The following STAU1 variants were observed in gnomAD, a reference collection of about 807,000 sequenced individuals.
STAU1 encodes the protein double-stranded RNA-binding protein Staufen homolog 1.
In STAU1, 13 loss-of-function variants were observed where a neutral mutation model predicts 62.9. That is an observed-to-expected ratio of 0.21 (90% CI 0.13 to 0.33). STAU1 has a LOEUF of 0.33. Ranked by LOEUF, STAU1 falls within the 10% of genes least tolerant of loss-of-function variation. The pLI is 1.00. For missense variants in STAU1, 571 were observed against 712.1 expected (o/e 0.80, Z 2.25); for synonymous variants, 269 against 265.1 (o/e 1.01, Z -0.14).
intron 6 of STAU1, among the ~76,000 whole-genome samples, chr20:49,130,812 T>G (rs776440620): frequency 6.6e-6 from 1 of 151,948 alleles, no homozygotes; most frequent in Non-Finnish European, 1.5e-5. Context: ...CCAAGGTGCA[T>G]GCCTAATCCT....
In STAU1 at chr20:49,125,198, C is replaced by CAAAAAA. The variant is rs1171534142; in HGVS notation, c.610-617_610-612dup. On this transcript the variant is annotated intron_variant, in intron 6 of 13. Coordinates refer to ENST00000371856, the MANE Select transcript of STAU1 (RefSeq NM_017453.4). The stretch of plus-strand genomic sequence containing the variant: ...ACACACATTTATAAGCTCATTTTTG[C>CAAAAAA]AAAAAAAAAAAAAAAAAAAAAAAAA... 5.0e-3 allele frequency among the ~76,000 whole-genome samples: 169 copies of CAAAAAA among 33,732 alleles called. 22 individuals are homozygous for CAAAAAA. The highest frequency in any genetic ancestry group is 6.9e-3 in the Non-Finnish European group (122 of 17,656). The allele number at this position is 33,732 out of a possible 152,430, so 22.1% of individuals were successfully genotyped here.
upstream of STAU1, among the ~76,000 whole-genome samples, chr20:49,189,865 G>A (rs1485181255): frequency 4.6e-5 from 7 of 151,980 alleles, no homozygotes; most frequent in African/African-American, 9.7e-5. Flanking sequence ...TTCAAAATAC[G>A]AGCTGCTGTG....
chr20:49,172,612 G>A (rs572388220), intron 2 of STAU1, among the ~76,000 whole-genome samples: 2 of 152,246 alleles, frequency 1.3e-5, no homozygotes, highest in South Asian at 2.1e-4. Flanking sequence ...CTAGAAACAC[G>A]ACTGCATTTA....
At chr20:49,205,097 C>T in the STAU1 span, among the ~76,000 whole-genome samples, 1 of 152,224 alleles carries the variant, frequency 6.6e-6, no homozygotes, top group African/African-American at 2.4e-5. Flanking sequence ...GTTGGCTTAG[C>T]TGACCTGGTT....
Position 49,141,107 on chromosome 20 carries a change from C to T in STAU1, c.511-5176G>A, listed in dbSNP as rs532604366. On this transcript the variant is annotated intron_variant, in intron 5 of 13. Transcript: ENST00000371856. The stretch of plus-strand genomic sequence containing the variant: ...GACTGTCGTAAGACTTTGAATGCCA[C>T]GTACATGCCCCAATTTTCAATGTTT... Among the ~76,000 whole-genome samples the T allele has an allele frequency of 1.3e-4, 20 of 152,180 alleles. 1 individual carries two copies. The highest frequency in any genetic ancestry group is 2.6e-4 in the African/African-American group (11 of 41,524).
At chr20:49,135,034 G>A (rs770552944) in intron 6 of STAU1, 19 of 1,539,310 alleles carry the variant, frequency 1.2e-5, no homozygotes, top group African/African-American at 6.8e-5. Flanking sequence ...CCGGGCAGCC[G>A]CCATCTCCAG....
intron 6 of STAU1, among the ~76,000 whole-genome samples, chr20:49,129,599 G>A (rs138559097): frequency 1.6e-4 from 23 of 146,260 alleles, no homozygotes; most frequent in African/African-American, 5.1e-4. Flanking sequence ...AATGCACAAT[G>A]ATACATCTGG....
intron 3 of STAU1, among the ~76,000 whole-genome samples, chr20:49,160,023 G>A (rs1165488358): frequency 6.6e-6 from 1 of 152,196 alleles, no homozygotes; most frequent in East Asian, 1.9e-4. Flanking sequence ...CAGAATTACA[G>A]CTACCATTTC....
At chr20:49,158,530 C>T (rs1485364214) in intron 3 of STAU1, 1 of 1,299,834 alleles carries the variant, frequency 7.7e-7, no homozygotes, top group Non-Finnish European at 1.0e-6. Context: ...CCTTTATTGG[C>T]CAGGTGCAGT....
Position 49,119,997 on chromosome 20 carries a change from G to C in STAU1, c.1098C>G (p.Leu366=), listed in dbSNP as rs762635988. ...VPQAQPTKPA[L]KSEEKTPIKK... ...CAGCACTCACCTTCTCCTCTGACTT[G>C]AGTGCGGGTTTGGTGGGCTGCGCCT... Residue 366 remains leucine, a synonymous_variant, in exon 9 of 14, where the codon CTC becomes CTG. Transcript: ENST00000371856. 6 of 1,614,000 alleles carry C rather than the reference G, an allele frequency of 3.7e-6. No individual in the cohort carries two copies. The highest frequency in any genetic ancestry group is 5.1e-6 in the Non-Finnish European group (6 of 1,180,010).
At chr20:49,213,742 A>C in the STAU1 span, among the ~76,000 whole-genome samples, 1 of 152,252 alleles carries the variant, frequency 6.6e-6, no homozygotes, top group African/African-American at 2.4e-5. Context: ...CCCAACAGCC[A>C]TATAAAGTAG....
At chr20:49,148,652 C>A (rs2093177521) in intron 5 of STAU1, among the ~76,000 whole-genome samples, 1 of 152,196 alleles carries the variant, frequency 6.6e-6, no homozygotes, top group African/African-American at 2.4e-5. Context: ...CGCCAAAGGG[C>A]ACAAGTAGAT....
At chr20:49,180,365 C>G (rs892645975) in intron 1 of STAU1, among the ~76,000 whole-genome samples, 4 of 151,058 alleles carry the variant, frequency 2.6e-5, no homozygotes, top group Non-Finnish European at 5.9e-5. Flanking sequence ...GCTCTGTTGC[C>G]CAGGCTGAAG....
chr20:49,134,449 A>AAAAAAAAAAAAAAAAAAG, intron 6 of STAU1: 2 of 609,624 alleles, frequency 3.3e-6, no homozygotes, highest in Non-Finnish European at 5.8e-6. Flanking sequence ...AAAAAAAAAA[A>AAAAAAAAAAAAAAAAAAG]GCTCTGGGTT....
At chr20:49,176,820 T>A (rs1472868969) in intron 1 of STAU1, among the ~76,000 whole-genome samples, 1 of 152,138 alleles carries the variant, frequency 6.6e-6, no homozygotes, top group Non-Finnish European at 1.5e-5. Flanking sequence ...CCAAGAAGTT[T>A]TCTATGTTGA....
rs1299797457 is a variant in STAU1, at chr20:49,151,605, C to T, written c.487G>A (p.Glu163Lys). The T allele has an allele frequency of 6.2e-7, 1 of 1,609,184 alleles. No individual in the cohort carries two copies. Reference protein sequence around the residue: ...AAKALRILQNEPLPERLEVNG... With the variant: ...AAKALRILQNKPLPERLEVNG... ...ACCTCCAGCCTCTCTGGCAGGGGCT[C>T]ATTCTGCAGGATCCTCAACGCTTTG... The change falls in exon 5 of 14, where the codon GAG (glutamate) becomes AAG (lysine). Residue 163 changes from glutamate to lysine, a missense_variant. By Grantham distance (56) the Glu-to-Lys change is moderately conservative (BLOSUM62 1). Around this residue, in one of 3 missense-constraint regions of STAU1, gnomAD observed 414 missense variants for 499.6 expected, o/e 0.83. Coordinates refer to ENST00000371856, the MANE Select transcript of STAU1 (RefSeq NM_017453.4).
intron 5 of STAU1, among the ~76,000 whole-genome samples, chr20:49,146,937 A>G (rs2093143771): frequency 6.6e-6 from 1 of 152,162 alleles, no homozygotes; most frequent in South Asian, 2.1e-4. Flanking sequence ...TACTGCAGCT[A>G]TGACCATACT....
the STAU1 span, among the ~76,000 whole-genome samples, chr20:49,194,840 A>G: frequency 3.3e-5 from 5 of 151,966 alleles, no homozygotes; most frequent in Admixed American, 6.6e-5. Context: ...CAGCCTCCCA[A>G]AGTGTTGGAA....
the STAU1 span, among the ~76,000 whole-genome samples, chr20:49,209,477 C>T: frequency 6.7e-6 from 1 of 150,130 alleles, no homozygotes; most frequent in Admixed American, 6.7e-5. Flanking sequence ...AGACATGGTG[C>T]CTCCCACCTG....
Sources: allele counts gnomAD v4.1 joint callset (sites outside exome capture counted in the v4.1 genomes callset), GRCh38; gene constraint gnomAD v4.1.1; regional missense constraint gnomAD v4.1.1; transcripts MANE v1.5; gene names NCBI Gene and HGNC (gene_info 2026-07-23, HGNC 2026-07-21).